The following PARP9 variants were observed in gnomAD, a reference collection of about 807,000 sequenced individuals.
PARP9 encodes the protein poly(ADP-ribose) polymerase family member 9, also known as protein mono-ADP-ribosyltransferase PARP9.
In PARP9, 48 loss-of-function variants were observed where a neutral mutation model predicts 68.8. That is an observed-to-expected ratio of 0.70 (90% confidence interval 0.55 to 0.89). The LOEUF (loss-of-function observed/expected upper bound fraction) is 0.89. Among genes scored for constraint, PARP9 ranks in the 40% least tolerant of loss-of-function variants. The probability of loss-of-function intolerance (pLI) is 0.00; values close to 1 mark genes in which losing one functional copy is unlikely to be tolerated. For synonymous variants in PARP9, 309 were observed against 333.8 expected (o/e 0.93, Z 0.81); for missense variants, 806 against 969.3 (o/e 0.83, Z 2.24).
At chr3:122,556,782 G>T (rs1343910721) in intron 3 of PARP9, among the ~76,000 whole-genome samples, 3 of 88,930 alleles carry the variant, frequency 3.4e-5, no homozygotes, top group African/African-American at 1.3e-4. Context: ...TTATACCACT[G>T]GAGGGGTAGT....
intron 10 of PARP9, chr3:122,531,653 A>G (rs1195463313): frequency 6.6e-6 from 1 of 152,126 alleles, no homozygotes; most frequent in Non-Finnish European, 1.5e-5. Context: ...ATATATATGT[A>G]ATTATTTTTA....
chr3:122,546,808 T>G (rs1448264197), intron 6 of PARP9, among the ~76,000 whole-genome samples: 1 of 151,794 alleles, frequency 6.6e-6, no homozygotes, highest in Admixed American at 6.6e-5. Flanking sequence ...AAGGTTGATC[T>G]TGGTTTGGCC....
At chr3:122,552,202 G>A (rs2079258988) in intron 5 of PARP9, among the ~76,000 whole-genome samples, 1 of 152,128 alleles carries the variant, frequency 6.6e-6, no homozygotes, top group Admixed American at 6.6e-5. Context: ...TCACAGGCAT[G>A]AGCCACTGCG....
intron 3 of PARP9, among the ~76,000 whole-genome samples, chr3:122,556,521 G>A (rs989432171): frequency 3.9e-5 from 6 of 152,312 alleles, no homozygotes; most frequent in Admixed American, 2.6e-4. Flanking sequence ...ACTTAATTAT[G>A]AGCCAAAATA....
At chr3:122,549,196 A>G (rs112173770) in intron 6 of PARP9, among the ~76,000 whole-genome samples, 2,458 of 152,084 alleles carry the variant, frequency 0.016, 65 homozygotes, top group African/African-American at 0.057. Flanking sequence ...TTGTATTTTT[A>G]GTAGAAACGG....
intron 6 of PARP9, among the ~76,000 whole-genome samples, chr3:122,547,310 G>A (rs377275108): frequency 6.6e-6 from 1 of 150,936 alleles, no homozygotes; most frequent in African/African-American, 2.4e-5. Flanking sequence ...GGCCAGACTG[G>A]TCTCGAATTC....
intron 8 of PARP9, among the ~76,000 whole-genome samples, chr3:122,539,626 T>A (rs1217206960): frequency 6.6e-6 from 1 of 151,588 alleles, no homozygotes; most frequent in East Asian, 1.9e-4. Context: ...AATGGTTCGA[T>A]CTTGGTTCAC....
chr3:122,555,870 C>T lies in PARP9; in HGVS notation c.301G>A (p.Val101Met). Residue 101 changes from valine to methionine, a missense_variant, in exon 4 of 11, where the codon GTG (valine) becomes ATG (methionine). Physicochemically the swap from Val to Met is conservative, Grantham distance 21. Coordinates refer to ENST00000682323, the MANE Select transcript of PARP9 (RefSeq NM_001146105.2). ...DLTTHAVDAV[V>M]NAANEDLLHG... ...AGAAGATCTTCATTGGCTGCATTCA[C>T]CACAGCATCAACAGCATGTGTGGTG... is the stretch of plus-strand genomic sequence containing the variant. 1 of 1,614,090 alleles carries T rather than the reference C, an allele frequency of 6.2e-7. No homozygotes were observed. Among genetic ancestry groups the T allele is most frequent in the Non-Finnish European group, 8.5e-7 (1 of 1,179,998 alleles).
In PARP9 at chr3:122,564,246, C is replaced by T. The variant is rs544726624; in HGVS notation, c.-91G>A. ...CCCAGAGGCACCGGACCTACTCACC[C>T]GGCAGGCCGCTCTCCTCGGTGCAGA... On this transcript the variant is annotated splice_region_variant and 5_prime_UTR_variant, in exon 1 of 11. Transcript: ENST00000682323. 1.1e-4 allele frequency: 75 copies of T among 707,376 alleles called. No individual in the cohort carries two copies. In the African/African-American group the frequency reaches 1.3e-3, roughly 12 times the overall value. 43.8% of individuals were successfully genotyped at this position (707,376 alleles called of 1,614,324 possible). A position where few individuals can be genotyped will look rare whatever the true frequency, so the allele number is the denominator to read the frequency against.
chr3:122,556,141 TAAAAAAAAAAAAAAA>T lies in PARP9; in HGVS notation c.50-35_50-21del, dbSNP rs745677021. 3.9e-3 allele frequency: 828 copies of T among 210,074 alleles called. 6 individuals carry two copies. The highest frequency in any genetic ancestry group is 0.023 in the African/African-American group (483 of 21,240). 13.0% of individuals were successfully genotyped at this position (210,074 alleles called of 1,614,324 possible). A position where few individuals can be genotyped will look rare whatever the true frequency, so the allele number is the denominator to read the frequency against. Reference sequence around the variant, plus strand: ...CAGTCTCTGGAAAAGAAGAGAAGATTAAAAAAAAAAAAAAAAAAAAAAAAAAAAAAAAGCACAGTT... The same window carrying T: ...CAGTCTCTGGAAAAGAAGAGAAGATTAAAAAAAAAAAAAAAAAGCACAGTT... On this transcript the variant is annotated intron_variant, in intron 3 of 10. Transcript: ENST00000682323.
chr3:122,536,992 G>A lies in PARP9; in HGVS notation c.1847C>T (p.Thr616Ile), dbSNP rs767559752. ...IIFLKCPVPPTQELLDQKKQF... is the reference protein window; with the variant it reads ...IIFLKCPVPPIQELLDQKKQF... ...TTTCTTTTGATCTAGAAGCTCTTGA[G>A]TTGGAGGCACAGGACATTTCAGAAA... is the stretch of plus-strand genomic sequence containing the variant. Residue 616 changes from threonine to isoleucine, a missense_variant, in exon 9 of 11, where the codon ACT (threonine) becomes ATT (isoleucine). Physicochemically the swap from Thr to Ile is moderately conservative, Grantham distance 89. Coordinates refer to ENST00000682323, the MANE Select transcript of PARP9 (RefSeq NM_001146105.2). 2 of 1,613,952 alleles carry A rather than the reference G, an allele frequency of 1.2e-6. No homozygotes were observed. The highest frequency in any genetic ancestry group is 2.2e-5 in the South Asian group (2 of 91,040).
At chr3:122,547,451 T>A (rs1362435996) in intron 6 of PARP9, among the ~76,000 whole-genome samples, 2 of 152,182 alleles carry the variant, frequency 1.3e-5, no homozygotes, top group Admixed American at 6.5e-5. Context: ...CCGTGGTTGA[T>A]CTTTCCATTT....
chr3:122,528,628 G>GAGTA lies in PARP9; in HGVS notation c.2192_2195dup (p.Gly734HisfsTer26). On this transcript the variant is annotated frameshift_variant, in exon 11 of 11. Coordinates refer to ENST00000682323, the MANE Select transcript of PARP9 (RefSeq NM_001146105.2). LOFTEE classifies it low-confidence loss of function (END_TRUNC). ...GATGTCCCTGGCAGAAGAAGCCTGT[G>GAGTA]AGTACTTCAGCCTCAAACACATAGA... The GAGTA allele has an allele frequency of 6.2e-7, 1 of 1,614,206 alleles. No homozygotes were observed. Among genetic ancestry groups the GAGTA allele is most frequent in the African/African-American group, 1.3e-5 (1 of 75,048 alleles).
chr3:122,563,326 T>A (rs2080399400), intron 1 of PARP9, among the ~76,000 whole-genome samples: 1 of 152,114 alleles, frequency 6.6e-6, no homozygotes, highest in South Asian at 2.1e-4. Flanking sequence ...GTGATGTAAG[T>A]ATAAGAAAAA....
intron 6 of PARP9, chr3:122,545,726 AAAG>A (rs1434113778): frequency 7.6e-6 from 4 of 524,416 alleles, no homozygotes; most frequent in Non-Finnish European, 1.4e-5. Context: ...TGGTATAAAT[AAAG>A]AAGACTATAC....
chr3:122,549,636 C>G (rs1576419908), intron 6 of PARP9, among the ~76,000 whole-genome samples: 1 of 152,084 alleles, frequency 6.6e-6, no homozygotes, highest in East Asian at 1.9e-4. Flanking sequence ...TAAAAATTAG[C>G]CAGGCATGGT....
Position 122,556,039 on chromosome 3 carries a change from A to G in PARP9, c.132T>C (p.Arg44=). 1 of 1,611,886 alleles carries G rather than the reference A, an allele frequency of 6.2e-7. No homozygotes were observed. The highest frequency in any genetic ancestry group is 8.5e-7 in the Non-Finnish European group (1 of 1,179,350). Reference sequence around the variant, plus strand: ...TATTCTGGAGGACTTCACACAGCTGACGCTCATTATTTTTTAAAATTTTGA... The same window carrying G: ...TATTCTGGAGGACTTCACACAGCTGGCGCTCATTATTTTTTAAAATTTTGA... ...NDFKILKNNE[R]QLCEVLQNKF... Residue 44 remains arginine, a synonymous_variant, in exon 4 of 11, where the codon CGT becomes CGC. Coordinates refer to ENST00000682323, the MANE Select transcript of PARP9 (RefSeq NM_001146105.2).
intron 10 of PARP9, among the ~76,000 whole-genome samples, chr3:122,530,665 C>T (rs115322757): frequency 4.1e-4 from 62 of 152,320 alleles, no homozygotes; most frequent in Middle Eastern, 3.4e-3. Context: ...TCCTTCCTTT[C>T]CTTTTTTCAT....
Position 122,551,307 on chromosome 3 carries a change from C to T in PARP9, c.1108-505G>A, listed in dbSNP as rs76784981. ...ACATCAAAGTAATACAGGAATGTTG[C>T]CCATGGAAGGACTTTGGAAAACTGA... On this transcript the variant is annotated intron_variant, in intron 5 of 10. Coordinates refer to ENST00000682323, the MANE Select transcript of PARP9 (RefSeq NM_001146105.2). Among the ~76,000 whole-genome samples the T allele has an allele frequency of 6.1e-3, 932 of 152,076 alleles. 4 individuals carry two copies. The highest frequency in any genetic ancestry group is 1.0e-2 in the Non-Finnish European group (677 of 68,000).
Sources: gnomAD v4.1 joint callset for allele counts (sites outside exome capture counted in the v4.1 genomes callset) on GRCh38, gnomAD v4.1.1 for gene constraint, MANE v1.5 for transcripts, NCBI Gene and HGNC (gene_info 2026-07-23, HGNC 2026-07-21) for gene names.